The following RAPGEF4 variants were observed in gnomAD, a reference collection of about 807,000 sequenced individuals.
RAPGEF4 encodes RAP guanine-nucleotide-exchange factor (GEF) 4.
A neutral mutation model predicts 147.9 loss-of-function variants in RAPGEF4; 66 were observed. The ratio of observed to expected loss-of-function variants is 0.45; its 90% CI spans 0.37 to 0.55. The LOEUF (loss-of-function observed/expected upper bound fraction) is 0.55, where lower values mean the gene tolerates loss of function less well. Ranked by LOEUF, RAPGEF4 falls within the 20% of genes least tolerant of loss-of-function variation. RAPGEF4 has a pLI of 0.00. For synonymous variants in RAPGEF4, 419 were observed against 442.7 expected (o/e 0.95, Z 0.67); for missense variants, 1,071 against 1,257.3 (o/e 0.85, Z 2.24).
chr2:172,897,670 G>A (rs1177629900), intron 4 of RAPGEF4, among the ~76,000 whole-genome samples: 1 of 151,676 alleles, frequency 6.6e-6, no homozygotes, highest in Non-Finnish European at 1.5e-5. Flanking sequence ...CCAAAGTGCT[G>A]GGATTACAGG....
chr2:172,960,174 T>C (rs748415870), intron 6 of RAPGEF4, among the ~76,000 whole-genome samples: 1 of 152,188 alleles, frequency 6.6e-6, no homozygotes, highest in African/African-American at 2.4e-5. Context: ...TCCTGAACTC[T>C]GTACACTTTC....
At chr2:172,886,834 G>C (rs1345579712) in intron 4 of RAPGEF4, among the ~76,000 whole-genome samples, 1 of 151,100 alleles carries the variant, frequency 6.6e-6, no homozygotes, top group Non-Finnish European at 1.5e-5. Flanking sequence ...CCAGACTCTT[G>C]CTTGTTTGAA....
intron 4 of RAPGEF4, among the ~76,000 whole-genome samples, chr2:172,902,249 G>A (rs1699141888): frequency 6.6e-6 from 1 of 152,106 alleles, no homozygotes; most frequent in Non-Finnish European, 1.5e-5. Flanking sequence ...TAACAGCAGT[G>A]GAGATTTGTA....
chr2:172,956,806 G>A (rs775573407), intron 6 of RAPGEF4, among the ~76,000 whole-genome samples: 2 of 152,204 alleles, frequency 1.3e-5, no homozygotes, highest in South Asian at 2.1e-4. Context: ...TTCAGACCAA[G>A]CATGATGCAG....
intron 6 of RAPGEF4, among the ~76,000 whole-genome samples, chr2:172,950,111 G>C (rs1201890813): frequency 6.6e-6 from 1 of 152,196 alleles, no homozygotes; most frequent in East Asian, 1.9e-4. Flanking sequence ...TTTCTGGTGG[G>C]GAGAGAATGC....
At chr2:172,834,734 C>A (rs1690736115) in intron 4 of RAPGEF4, among the ~76,000 whole-genome samples, 1 of 152,122 alleles carries the variant, frequency 6.6e-6, no homozygotes, top group Non-Finnish European at 1.5e-5. Flanking sequence ...TGACTTTTAA[C>A]CACTTTGAAA....
intron 4 of RAPGEF4, among the ~76,000 whole-genome samples, chr2:172,900,721 A>C (rs550328549): frequency 6.6e-6 from 1 of 152,084 alleles, no homozygotes; most frequent in African/African-American, 2.4e-5. Context: ...TTTGCCCCCA[A>C]ATACTTGAGC....
At chr2:172,817,054 A>G (rs1688579185) in intron 4 of RAPGEF4, among the ~76,000 whole-genome samples, 1 of 152,342 alleles carries the variant, frequency 6.6e-6, no homozygotes, top group South Asian at 2.1e-4. Context: ...ATTCTAAAGT[A>G]CCTTCTGAAT....
chr2:172,990,856 T>C lies in RAPGEF4; in HGVS notation c.1421T>C (p.Val474Ala). 3.7e-6 allele frequency: 6 copies of C among 1,614,014 alleles called. No homozygotes were observed. The highest frequency in any genetic ancestry group is 5.1e-6 in the Non-Finnish European group (6 of 1,179,966). ...TVRLKEHDQD[V>A]LVLEKVPAGN... ...AGACTTAAAGAACATGACCAAGATGTCTTGGTGCTGGAGAAGGTCCCAGCA... is the reference window on the plus strand; with the variant it reads ...AGACTTAAAGAACATGACCAAGATGCCTTGGTGCTGGAGAAGGTCCCAGCA... The change falls in exon 15 of 31, where the codon GTC (valine) becomes GCC (alanine). Residue 474 changes from valine (V) to alanine (A), a missense_variant. Val to Ala is a moderately conservative substitution (Grantham distance 64). Coordinates refer to ENST00000397081, the MANE Select transcript of RAPGEF4 (RefSeq NM_007023.4).
intron 1 of RAPGEF4, among the ~76,000 whole-genome samples, chr2:172,780,214 G>A (rs1684554554): frequency 6.6e-6 from 1 of 152,146 alleles, no homozygotes; most frequent in Non-Finnish European, 1.5e-5. Context: ...ATACACATGG[G>A]AGATACCCAG....
At chr2:172,796,240 G>T (rs1205184618) in intron 2 of RAPGEF4, among the ~76,000 whole-genome samples, 1 of 152,108 alleles carries the variant, frequency 6.6e-6, no homozygotes, top group Non-Finnish European at 1.5e-5. Context: ...CAACGTTATT[G>T]TAGAAAATTT....
In RAPGEF4 at chr2:173,018,750, C is replaced by A. The variant is rs369186017; in HGVS notation, c.2103C>A (p.Asp701Glu). The A allele has an allele frequency of 4.3e-6, 7 of 1,614,094 alleles. No homozygotes were observed. Among genetic ancestry groups the A allele is most frequent in the Non-Finnish European group, 5.9e-6 (7 of 1,180,020 alleles). Residue 701 changes from aspartate to glutamate, a missense_variant, in exon 22 of 31, where the codon GAC (aspartate) becomes GAA (glutamate). Asp to Glu is a conservative substitution (Grantham distance 45). Transcript: ENST00000397081. ...AGGAAGTCATCAGTGCAGTTGCCGACAAGCTGGGCTCCGGGGAGGGCCTGA... is the reference window on the plus strand; with the variant it reads ...AGGAAGTCATCAGTGCAGTTGCCGAAAAGCTGGGCTCCGGGGAGGGCCTGA... ...SVKEVISAVA[D>E]KLGSGEGLII...
intron 1 of RAPGEF4, among the ~76,000 whole-genome samples, chr2:172,749,014 A>G (rs1434260320): frequency 6.6e-6 from 1 of 152,224 alleles, no homozygotes; most frequent in Non-Finnish European, 1.5e-5. Context: ...TGCAAGAAGT[A>G]GGTCCCCATG....
chr2:172,931,416 G>A (rs1357170146), intron 6 of RAPGEF4, among the ~76,000 whole-genome samples: 1 of 152,156 alleles, frequency 6.6e-6, no homozygotes, highest in East Asian at 1.9e-4. Flanking sequence ...TTAGAGAGGT[G>A]CTCTTGCTTC....
chr2:172,745,859 A>C (rs1694721578), intron 1 of RAPGEF4, among the ~76,000 whole-genome samples: 2 of 152,176 alleles, frequency 1.3e-5, no homozygotes, highest in Admixed American at 6.5e-5. Flanking sequence ...ATCCTCAACA[A>C]CATTCCAACA....
chr2:172,967,004 C>G (rs571302815), intron 9 of RAPGEF4: 1 of 344,310 alleles, frequency 2.9e-6, no homozygotes, highest in South Asian at 8.2e-5. Flanking sequence ...CTGAGAAATG[C>G]TGGCAGGTCC....
chr2:173,038,846 T>C (rs1046014729), intron 29 of RAPGEF4, among the ~76,000 whole-genome samples: 2 of 152,178 alleles, frequency 1.3e-5, no homozygotes, highest in African/African-American at 4.8e-5. Flanking sequence ...CAGCCATCTG[T>C]TGGGGTAGAT....
intron 6 of RAPGEF4, among the ~76,000 whole-genome samples, chr2:172,954,562 C>A (rs992567053): frequency 6.6e-6 from 1 of 152,092 alleles, no homozygotes; most frequent in African/African-American, 2.4e-5. Context: ...GAAAAACTTA[C>A]AGAGTTAATT....
intron 4 of RAPGEF4, among the ~76,000 whole-genome samples, chr2:172,836,462 A>G (rs1690941415): frequency 6.6e-6 from 1 of 152,190 alleles, no homozygotes; most frequent in South Asian, 2.1e-4. Flanking sequence ...CTGATCTCCC[A>G]TTCTGTCCAT....
Sources: gnomAD v4.1 joint callset for allele counts (sites outside exome capture counted in the v4.1 genomes callset) on GRCh38, gnomAD v4.1.1 for gene constraint, MANE v1.5 for transcripts, NCBI Gene and HGNC (gene_info 2026-07-23, HGNC 2026-07-21) for gene names.